The following TBC1D16 variants were observed in gnomAD, a reference collection of about 807,000 sequenced individuals.
The protein encoded by TBC1D16 is TBC1 domain family member 16, also known as CTD-2529O21.1.
A neutral mutation model predicts 74.7 loss-of-function variants in TBC1D16; 58 were observed. That is an observed-to-expected ratio of 0.78 (90% CI 0.63 to 0.97). The LOEUF (loss-of-function observed/expected upper bound fraction) is 0.97. Ranked by LOEUF, TBC1D16 falls within the 50% of genes least tolerant of loss-of-function variation. The probability of loss-of-function intolerance (pLI) is 0.00; values close to 1 mark genes in which losing one functional copy is unlikely to be tolerated. For synonymous variants in TBC1D16, 493 were observed against 474.7 expected, an observed-to-expected ratio of 1.04 and a Z score of -0.50; for missense variants, 1,014 against 1,079.5, an observed-to-expected ratio of 0.94 and a Z score of 0.85.
In TBC1D16 at chr17:79,954,534, G is replaced by A. The variant is rs1443706211; in HGVS notation, c.780-1716C>T. On this transcript the variant is annotated intron_variant, in intron 3 of 11. Transcript: ENST00000310924. This position sits in a 1 kb window ranked among gnomAD's most constrained non-coding sequence, Gnocchi z 5.5. Reference sequence around the variant, plus strand: ...AGATGGGCATGTGGGGCCATCACCTGAACTGCCGTGGCTGCGCCGCGGACG... The same window carrying A: ...AGATGGGCATGTGGGGCCATCACCTAAACTGCCGTGGCTGCGCCGCGGACG... Among the ~76,000 whole-genome samples, 1 of 152,182 alleles carries A rather than the reference G, an allele frequency of 6.6e-6. No homozygotes were observed. Among genetic ancestry groups the A allele is most frequent in the African/African-American group, 2.4e-5 (1 of 41,440 alleles).
intron 1 of TBC1D16, among the ~76,000 whole-genome samples, chr17:80,034,990 C>T (rs1377699787): frequency 6.6e-6 from 1 of 152,158 alleles, no homozygotes; most frequent in East Asian, 1.9e-4. Flanking sequence ...TGAACTTGAC[C>T]CAGACAGTAA....
intron 1 of TBC1D16, among the ~76,000 whole-genome samples, chr17:80,034,468 CT>C (rs2036883854): frequency 6.6e-6 from 1 of 152,162 alleles, no homozygotes; most frequent in African/African-American, 2.4e-5. Context: ...TCCCAAAGTG[CT>C]GGGATTACAG....
chr17:79,977,757 C>T (rs2034391537), intron 3 of TBC1D16, among the ~76,000 whole-genome samples: 1 of 152,266 alleles, frequency 6.6e-6, no homozygotes, highest in South Asian at 2.1e-4. Flanking sequence ...TGGACTCATC[C>T]AGCCGAGAGG....
chr17:80,002,322 A>G (rs564755702), intron 3 of TBC1D16, among the ~76,000 whole-genome samples: 1 of 152,346 alleles, frequency 6.6e-6, no homozygotes, highest in South Asian at 2.1e-4. Flanking sequence ...GCTGCCGCTG[A>G]TACTCGGTCG....
chr17:79,952,999 A>G (rs2033156820), intron 3 of TBC1D16, 181 bp from the exon 4 acceptor site: 1 of 566,784 alleles, frequency 1.8e-6, no homozygotes, highest in African/African-American at 1.9e-5. Context: ...CCCACTGCAC[A>G]GTTCTACTTC....
rs1031415174 is a variant in TBC1D16, at chr17:80,015,644, A to G, written c.-62-2035T>C. Reference sequence around the variant, plus strand: ...TGAAGGAAGAAAAGACTTGAAGCCAACATGATAAGAATTAGCAACTGGGAG... The same window carrying G: ...TGAAGGAAGAAAAGACTTGAAGCCAGCATGATAAGAATTAGCAACTGGGAG... On this transcript the variant is annotated intron_variant, in intron 1 of 11. Transcript: ENST00000310924. Among the ~76,000 whole-genome samples, 13 of 152,330 alleles carry G rather than the reference A, an allele frequency of 8.5e-5. No individual in the cohort carries two copies. In the East Asian group the frequency reaches 1.3e-3, roughly 16 times the overall value.
rs572993509 is a variant in TBC1D16 at position 79,975,134 on chromosome 17, G to A, written c.780-22316C>T. Among the ~76,000 whole-genome samples, 43 of 152,250 alleles carry A rather than the reference G, an allele frequency of 2.8e-4. No individual in the cohort carries two copies. Among genetic ancestry groups the A allele is most frequent in the Non-Finnish European group, 5.7e-4 (39 of 68,050 alleles). On this transcript the variant is annotated intron_variant, in intron 3 of 11. Coordinates refer to ENST00000310924, the MANE Select transcript of TBC1D16 (RefSeq NM_019020.4). This position sits in a 1 kb window ranked among gnomAD's most constrained non-coding sequence, Gnocchi z 4.5. The stretch of plus-strand genomic sequence containing the variant: ...AACACCCGGAACAATCCGCCAGGCC[G>A]CGTCACTCCTCACCCTCCAGCAGGG...
intron 3 of TBC1D16, among the ~76,000 whole-genome samples, chr17:79,973,611 G>A (rs1433847404): frequency 6.6e-6 from 1 of 151,950 alleles, no homozygotes; most frequent in Non-Finnish European, 1.5e-5. Context: ...TCAGGAGGCT[G>A]AGGCAGAAGA....
At chr17:79,965,008 C>T (rs4889940) in intron 3 of TBC1D16, among the ~76,000 whole-genome samples, 59,739 of 151,904 alleles carry the variant, frequency 0.39, 13,430 homozygotes, top group African/African-American at 0.61. Flanking sequence ...TATACTTTCA[C>T]CGCATTAAAA....
intron 1 of TBC1D16, among the ~76,000 whole-genome samples, chr17:80,034,824 G>T (rs2036900273): frequency 6.6e-6 from 1 of 152,166 alleles, no homozygotes; most frequent in Non-Finnish European, 1.5e-5. Flanking sequence ...CAGTCTTTGC[G>T]CCCACCCTCT....
rs192813468 is a variant in TBC1D16, at chr17:80,008,855, C to A, written c.779+1305G>T. On this transcript the variant is annotated intron_variant, in intron 3 of 11. Coordinates refer to ENST00000310924, the MANE Select transcript of TBC1D16 (RefSeq NM_019020.4). The surrounding 1 kb of genome is among the most constrained non-coding windows in gnomAD (Gnocchi z 4.5). ...GGGAAGAACCCGTCCCACAGTCACC[C>A]CTGCTGAGGCCAGCAAAGCCTGTGT... Among the ~76,000 whole-genome samples the A allele has an allele frequency of 2.8e-4, 43 of 152,352 alleles. 1 individual carries two copies. The East Asian group carries it at 8.3e-3, about 29-fold the overall frequency.
chr17:79,989,891 A>C (rs2034995375), intron 3 of TBC1D16, among the ~76,000 whole-genome samples: 1 of 152,184 alleles, frequency 6.6e-6, no homozygotes, highest in Non-Finnish European at 1.5e-5. Context: ...CTGGATTCCC[A>C]AAAGTCAGCC....
At chr17:79,978,289 C>G (rs1251616590) in intron 3 of TBC1D16, among the ~76,000 whole-genome samples, 5 of 152,248 alleles carry the variant, frequency 3.3e-5, no homozygotes, top group Non-Finnish European at 7.3e-5. Context: ...GCAGGGTCTC[C>G]GCTCCGGCGA....
At position 79,947,303 on chromosome 17, in the gene TBC1D16, G is replaced by C. The variant is rs2032625785; in HGVS notation, c.1728+342C>G. Among the ~76,000 whole-genome samples the C allele has an allele frequency of 3.3e-5, 5 of 152,158 alleles. No homozygotes were observed. The South Asian group carries it at 1.0e-3, about 32-fold the overall frequency. On this transcript the variant is annotated intron_variant, in intron 9 of 11. Coordinates refer to ENST00000310924, the MANE Select transcript of TBC1D16 (RefSeq NM_019020.4). ...CAGGGAGCAGCTTAGACACACCTGA[G>C]GACCCATTTTCTAAGGCTCAGAGGG...
At chr17:80,034,448 C>T (rs1252640662) in intron 1 of TBC1D16, among the ~76,000 whole-genome samples, 5 of 152,048 alleles carry the variant, frequency 3.3e-5, no homozygotes, top group African/African-American at 4.8e-5. Context: ...GTGATCCGCT[C>T]GCCTCGTCCT....
At chr17:79,982,468 A>G (rs1422383575) in intron 3 of TBC1D16, among the ~76,000 whole-genome samples, 1 of 151,796 alleles carries the variant, frequency 6.6e-6, no homozygotes, top group Non-Finnish European at 1.5e-5. Context: ...AGTCAATAAT[A>G]TCACATTGAA....
intron 5 of TBC1D16, 43 bp downstream of exon 5, chr17:79,951,407 G>T: frequency 6.3e-7 from 1 of 1,599,026 alleles, no homozygotes. Flanking sequence ...GGGGGGTGGG[G>T]AGTGTCAACC....
In TBC1D16 at chr17:79,950,384, G is replaced by A. The variant is rs969880142; in HGVS notation, c.1257+27C>T. On this transcript the variant is annotated intron_variant, in intron 6 of 11. Transcript: ENST00000310924. The surrounding 1 kb of genome is among the most constrained non-coding windows in gnomAD (Gnocchi z 4.6). ...CCGGTTCCCGGCCGGCTCTCCGCGG[G>A]GCCAGCTGGGCGGACCCGGACCTCA... The A allele has an allele frequency of 8.2e-6, 13 of 1,577,754 alleles. No individual in the cohort carries two copies. In the African/African-American group the frequency reaches 1.4e-4, roughly 16 times the overall value.
chr17:79,944,039 G>C lies in TBC1D16; in HGVS notation c.1908+869C>G. On this transcript the variant is annotated intron_variant, in intron 10 of 11. Transcript: ENST00000310924. The surrounding 1 kb of genome is among the most constrained non-coding windows in gnomAD (Gnocchi z 7.7). ...CCGGGCCAGGGGCGAGCCGATGACC[G>C]CATGCAAAGGCGGCGTGTGGTACCG... The C allele has an allele frequency of 6.5e-7, 1 of 1,535,812 alleles. No individual in the cohort carries two copies. The highest frequency in any genetic ancestry group is 1.2e-5 in the South Asian group (1 of 84,042).
Sources: allele counts gnomAD v4.1 joint callset (sites outside exome capture counted in the v4.1 genomes callset), GRCh38; gene constraint gnomAD v4.1.1; non-coding constraint Gnocchi (gnomAD v3.1); transcripts MANE v1.5; gene names NCBI Gene and HGNC (gene_info 2026-07-23, HGNC 2026-07-21).